Variants in CNTNAP4 observed in about 807,000 individuals in gnomAD.
CNTNAP4 encodes the protein contactin associated protein family member 4, also known as contactin-associated protein-like 4.
CNTNAP4 carries 98 observed loss-of-function variants against 148.4 expected under a neutral mutation model. The ratio of observed to expected loss-of-function variants is 0.66; its 90% CI spans 0.56 to 0.78. The LOEUF is 0.78. CNTNAP4 is among the 30% of genes least tolerant of loss of function. The pLI is 0.00. For synonymous variants in CNTNAP4, 730 were observed against 565.1 expected, an observed-to-expected ratio of 1.29 and a Z score of -4.14; for missense variants, 1,935 against 1,565.6, an observed-to-expected ratio of 1.24 and a Z score of -3.98.
intron 2 of CNTNAP4, among the ~76,000 whole-genome samples, chr16:76,330,378 A>G (rs1172969969): frequency 6.6e-6 from 1 of 152,198 alleles, no homozygotes; most frequent in Non-Finnish European, 1.5e-5. Flanking sequence ...ATTTAGGACC[A>G]TAATGGGCCA....
At chr16:76,327,004 A>G (rs966753341) in intron 2 of CNTNAP4, among the ~76,000 whole-genome samples, 6 of 152,180 alleles carry the variant, frequency 3.9e-5, no homozygotes, top group Admixed American at 6.5e-5. Context: ...ATTCACCCAT[A>G]TGAGAGATGG....
At chr16:76,458,171 C>G (rs979308175) in intron 8 of CNTNAP4, among the ~76,000 whole-genome samples, 42 of 152,084 alleles carry the variant, frequency 2.8e-4, no homozygotes, top group African/African-American at 1.0e-3. Context: ...TGTATATGTG[C>G]CACATTTTCT....
chr16:76,407,735 G>A (rs2078643453), intron 3 of CNTNAP4, among the ~76,000 whole-genome samples: 4 of 152,224 alleles, frequency 2.6e-5, no homozygotes, highest in African/African-American at 9.6e-5. Flanking sequence ...AAGATGCTAT[G>A]AACATAGTTG....
At chr16:76,341,368 G>A (rs947349854) in intron 2 of CNTNAP4, among the ~76,000 whole-genome samples, 2 of 152,140 alleles carry the variant, frequency 1.3e-5, no homozygotes, top group African/African-American at 4.8e-5. Flanking sequence ...CTGATAAACA[G>A]TGAAATTATT....
At chr16:76,423,407 G>C (rs12931129) in intron 3 of CNTNAP4, among the ~76,000 whole-genome samples, 13 of 151,882 alleles carry the variant, frequency 8.6e-5, no homozygotes, top group African/African-American at 3.1e-4. Flanking sequence ...TGCAAGATTC[G>C]TTTCTAAAGA....
intron 1 of CNTNAP4, among the ~76,000 whole-genome samples, chr16:76,279,181 A>G (rs913113167): frequency 6.6e-6 from 1 of 152,164 alleles, no homozygotes; most frequent in Non-Finnish European, 1.5e-5. Context: ...TCCAACCACT[A>G]AAGTTCAACC....
chr16:76,389,732 C>CT (rs1454872812), intron 3 of CNTNAP4, among the ~76,000 whole-genome samples: 2 of 152,124 alleles, frequency 1.3e-5, no homozygotes, highest in Non-Finnish European at 2.9e-5. Context: ...TCCCAAAGTG[C>CT]TGGGATTACG....
intron 3 of CNTNAP4, among the ~76,000 whole-genome samples, chr16:76,359,876 A>G (rs1390183805): frequency 5.3e-5 from 8 of 152,206 alleles, no homozygotes; most frequent in Admixed American, 5.2e-4. Context: ...AATTGCTGAG[A>G]TATCGTGAAA....
chr16:76,378,008 A>G (rs1454663733), intron 3 of CNTNAP4, among the ~76,000 whole-genome samples: 1 of 152,276 alleles, frequency 6.6e-6, no homozygotes, highest in Middle Eastern at 3.4e-3. Context: ...TCTCACAACT[A>G]CCAACCAGTA....
Position 76,285,708 on chromosome 16 carries a change from A to C in CNTNAP4, c.85+7961A>C, listed in dbSNP as rs143811810. Among the ~76,000 whole-genome samples the C allele has an allele frequency of 6.6e-5, 10 of 152,160 alleles. No individual in the cohort carries two copies. In the East Asian group the frequency reaches 1.7e-3, roughly 26 times the overall value. On this transcript the variant is annotated intron_variant, in intron 1 of 23. Transcript: ENST00000611870. ...ACGTTTATTGTATACTTTTTAGAAA[A>C]ATTATAACCTGTAATTTCATTAATG...
intron 10 of CNTNAP4, among the ~76,000 whole-genome samples, chr16:76,468,832 G>A (rs1209821206): frequency 2.0e-5 from 3 of 152,152 alleles, no homozygotes; most frequent in African/African-American, 7.2e-5. Flanking sequence ...CATCTTGCCA[G>A]TCATGCTTTA....
chr16:76,498,816 T>G lies in CNTNAP4; in HGVS notation c.2365+122T>G, dbSNP rs143536019. 238 of 1,024,130 alleles carry G rather than the reference T, an allele frequency of 2.3e-4. 2 individuals carry two copies. In the African/African-American group the frequency reaches 3.3e-3, roughly 14 times the overall value. 63.4% of individuals were successfully genotyped at this position (1,024,130 alleles called of 1,614,324 possible). The stretch of plus-strand genomic sequence containing the variant: ...ATCAGACTTCTATTGTGAACATTTT[T>G]TTTGTTTGTTTCCACATACATGAGG... On this transcript the variant is annotated intron_variant, in intron 15 of 23. Transcript: ENST00000611870.
intron 10 of CNTNAP4, among the ~76,000 whole-genome samples, chr16:76,473,746 C>A (rs1303305628): frequency 4.6e-5 from 7 of 152,060 alleles, no homozygotes; most frequent in Admixed American, 4.6e-4. Context: ...TGCACTACAG[C>A]CTGGGCAACA....
chr16:76,541,065 T>A (rs969578127), intron 21 of CNTNAP4, among the ~76,000 whole-genome samples: 6 of 152,192 alleles, frequency 3.9e-5, no homozygotes, highest in African/African-American at 1.4e-4. Flanking sequence ...TATTCTCACA[T>A]TTCAAAAATA....
intron 3 of CNTNAP4, among the ~76,000 whole-genome samples, chr16:76,381,798 C>T (rs949577582): frequency 2.0e-5 from 3 of 152,200 alleles, no homozygotes; most frequent in East Asian, 1.9e-4. Flanking sequence ...CGGTGGCTCA[C>T]GCCTGTAATC....
At chr16:76,387,067 C>T (rs983841033) in intron 3 of CNTNAP4, among the ~76,000 whole-genome samples, 2 of 152,122 alleles carry the variant, frequency 1.3e-5, no homozygotes, top group African/African-American at 2.4e-5. Context: ...AGCATGCATC[C>T]TGCTGACATC....
At chr16:76,332,690 C>G (rs1325201981) in intron 2 of CNTNAP4, among the ~76,000 whole-genome samples, 1 of 151,850 alleles carries the variant, frequency 6.6e-6, no homozygotes, top group African/African-American at 2.4e-5. Flanking sequence ...GATGGTTTTC[C>G]ATAGGTCTCT....
At chr16:76,331,184 G>A (rs190565952) in intron 2 of CNTNAP4, among the ~76,000 whole-genome samples, 2 of 149,782 alleles carry the variant, frequency 1.3e-5, no homozygotes, top group Non-Finnish European at 3.0e-5. Context: ...GTTGTTTTCT[G>A]TTTTTTCTTT....
intron 3 of CNTNAP4, among the ~76,000 whole-genome samples, chr16:76,406,150 T>A (rs1260432684): frequency 6.6e-6 from 1 of 152,198 alleles, no homozygotes; most frequent in African/African-American, 2.4e-5. Context: ...GTGCTCACTT[T>A]GTGTCTCTGT....
Sources: allele counts gnomAD v4.1 joint callset (sites outside exome capture counted in the v4.1 genomes callset), GRCh38; gene constraint gnomAD v4.1.1; transcripts MANE v1.5; gene names NCBI Gene and HGNC (gene_info 2026-07-23, HGNC 2026-07-21).